The following EARS2 variants were observed in gnomAD, a reference collection of about 807,000 sequenced individuals.
EARS2 encodes the protein glutamyl-tRNA synthetase 2, mitochondrial, also known as nondiscriminating glutamyl-tRNA synthetase EARS2, mitochondrial.
In EARS2, 50 loss-of-function variants were observed where a neutral mutation model predicts 54.1. The observed-to-expected ratio is 0.92, with a 90% CI of 0.74 to 1.17. The LOEUF (loss-of-function observed/expected upper bound fraction) is 1.17, where lower values mean the gene tolerates loss of function less well. Among genes scored for constraint, EARS2 ranks in the 50% most tolerant of loss-of-function variants. The pLI, the probability that EARS2 is intolerant of heterozygous loss-of-function variation, is 0.00. For synonymous variants in EARS2, 298 were observed against 281.0 expected (o/e 1.06, Z -0.61); for missense variants, 673 against 675.0 (o/e 1.00, Z 0.03).
chr16:23,553,941 T>C lies in EARS2; in HGVS notation c.140-1637A>G, dbSNP rs550277967. On this transcript the variant is annotated intron_variant, in intron 1 of 8. Coordinates refer to ENST00000449606, the MANE Select transcript of EARS2 (RefSeq NM_001083614.2). ...CATTTTGCATATGCAGTCTATGCAG[T>C]GTGCATGACTGTCCACGTCGTACAT... 2.6e-5 allele frequency among the ~76,000 whole-genome samples: 4 copies of C among 152,242 alleles called. No homozygotes were observed. The South Asian group carries it at 6.2e-4, about 24-fold the overall frequency.
intron 2 of EARS2, among the ~76,000 whole-genome samples, chr16:23,546,689 G>A (rs1371937620): frequency 6.6e-6 from 1 of 152,218 alleles, no homozygotes; most frequent in African/African-American, 2.4e-5. Context: ...CCAAGTAGCT[G>A]AGACTACAGG....
upstream of EARS2, chr16:23,557,364 TG>T (rs1180772045): frequency 1.3e-6 from 2 of 1,538,048 alleles, no homozygotes; most frequent in Middle Eastern, 1.7e-4. Context: ...ATAGCACACG[TG>T]GGCTTCTCCC....
At chr16:23,546,502 T>C in intron 2 of EARS2, 2 of 454,026 alleles carry the variant, frequency 4.4e-6, no homozygotes, top group Admixed American at 2.4e-5. Context: ...TAAGATGATC[T>C]AAGTAAAGTA....
intron 7 of EARS2, among the ~76,000 whole-genome samples, chr16:23,527,550 CTTTT>C (rs33925429): frequency 1.2e-5 from 1 of 84,478 alleles, no homozygotes. Context: ...AGTGATCGTT[CTTTT>C]TTTTTTTTTT....
intron 1 of EARS2, 44 bp downstream of exon 1, chr16:23,557,161 G>A: frequency 6.7e-7 from 1 of 1,503,114 alleles, no homozygotes; most frequent in Middle Eastern, 1.8e-4. Flanking sequence ...GGCGGAGACG[G>A]GACAGGGGGC....
At chr16:23,544,106 A>G (rs1257023249) in intron 3 of EARS2, among the ~76,000 whole-genome samples, 2 of 152,220 alleles carry the variant, frequency 1.3e-5, no homozygotes, top group Non-Finnish European at 2.9e-5. Context: ...TGCTTCCACA[A>G]CTAGGTAGAC....
In EARS2 at chr16:23,523,038, G is replaced by A. The variant is rs1051180260; in HGVS notation, c.*1333C>T. 2 of 152,242 alleles carry A rather than the reference G, an allele frequency of 1.3e-5. No homozygotes were observed. The highest frequency in any genetic ancestry group is 1.9e-4 in the East Asian group (1 of 5,200). The allele number at this position is 152,242 out of a possible 1,614,324, so 9.4% of individuals were successfully genotyped here. A position where few individuals can be genotyped will look rare whatever the true frequency, so the allele number is the denominator to read the frequency against. ...AAGAAAACAAGACAGAAGCCACGAT[G>A]TATTTTATGACTTACCCTCAGAAGT... On this transcript the variant is annotated 3_prime_UTR_variant, in exon 9 of 9. Transcript: ENST00000449606.
In EARS2 at chr16:23,522,969, A is replaced by G. The variant is rs1412961557; in HGVS notation, c.*1402T>C. ...GAGCACTCCATAAGGCTGCTTGAGT[A>G]TTTTCATGACCTGGAAGCTGGCTTC... On this transcript the variant is annotated 3_prime_UTR_variant, in exon 9 of 9. Transcript: ENST00000449606. The G allele has an allele frequency of 1.3e-5, 2 of 152,198 alleles. No homozygotes were observed. The highest frequency in any genetic ancestry group is 4.8e-5 in the African/African-American group (2 of 41,440). 9.4% of individuals were successfully genotyped at this position (152,198 alleles called of 1,614,324 possible).
At chr16:23,531,807 C>T (rs1018820996) in intron 5 of EARS2, among the ~76,000 whole-genome samples, 11 of 152,216 alleles carry the variant, frequency 7.2e-5, no homozygotes, top group African/African-American at 2.2e-4. Flanking sequence ...GGCTGATGGT[C>T]TTGCAAACCA....
At chr16:23,552,466 C>T (rs1965712909) in intron 1 of EARS2, among the ~76,000 whole-genome samples, 162 bp from the exon 2 acceptor site, 2 of 152,122 alleles carry the variant, frequency 1.3e-5, no homozygotes, top group East Asian at 1.9e-4. Context: ...AGGCCAAGGC[C>T]GGGGGGATCA....
Position 23,552,155 on chromosome 16 carries a change from A to G in EARS2, c.289T>C (p.Trp97Arg), listed in dbSNP as rs763792247. 6.2e-7 allele frequency: 1 copy of G among 1,613,376 alleles called. No individual in the cohort carries two copies. ...AAENIEDMLE[W>R]AGIPPDESPR... ...CTTTCTCTGCCAGGCTTACCTGCCC[A>G]CTCCAGCATGTCCTCAATATTCTCC... The change falls in exon 2 of 9, where the codon TGG (tryptophan) becomes CGG (arginine). Residue 97 changes from tryptophan (W) to arginine (R), a missense_variant. This residue lies in a region of EARS2 where 316 missense variants were observed against 275.2 expected (regional missense o/e 1.15). Transcript: ENST00000449606.
intron 1 of EARS2, among the ~76,000 whole-genome samples, chr16:23,553,896 C>CA (rs546658609): frequency 0.11 from 11,942 of 110,014 alleles, 862 homozygotes; most frequent in African/African-American, 0.24. Flanking sequence ...ACTCCATCTC[C>CA]AAAAAAAAAA....
intron 2 of EARS2, among the ~76,000 whole-genome samples, chr16:23,545,748 C>G (rs543702027): frequency 6.6e-6 from 1 of 152,178 alleles, no homozygotes; most frequent in African/African-American, 2.4e-5. Flanking sequence ...ACTGCAGCCT[C>G]GAACTTCCGG....
rs1356926091 is a variant in EARS2, at chr16:23,521,670, G to A, written c.*2701C>T. 6 of 452,642 alleles carry A rather than the reference G, an allele frequency of 1.3e-5. No homozygotes were observed. The highest frequency in any genetic ancestry group is 9.5e-5 in the Admixed American group (4 of 41,970). The allele number at this position is 452,642 out of a possible 1,614,324, so 28.0% of individuals were successfully genotyped here. A position where few individuals can be genotyped will look rare whatever the true frequency, so the allele number is the denominator to read the frequency against. On this transcript the variant is annotated 3_prime_UTR_variant, in exon 9 of 9. Transcript: ENST00000449606. ...CCACCTTTGCCTCACAAAGCATTAGGACGTATTTGTCCTTTTGTGACTGAC... is the reference window on the plus strand; with the variant it reads ...CCACCTTTGCCTCACAAAGCATTAGAACGTATTTGTCCTTTTGTGACTGAC...
chr16:23,552,055 T>C, intron 2 of EARS2, 94 bp downstream of exon 2: 1 of 1,487,986 alleles, frequency 6.7e-7, no homozygotes, highest in South Asian at 1.3e-5. Context: ...GAACTCCCCA[T>C]TTTCCACTCA....
intron 7 of EARS2, among the ~76,000 whole-genome samples, chr16:23,527,913 C>A (rs1965257981): frequency 6.6e-6 from 1 of 152,170 alleles, no homozygotes; most frequent in South Asian, 2.1e-4. Context: ...CCCCTAAATT[C>A]ATATGTTGAA....
chr16:23,542,945 T>C (rs1597019678), intron 3 of EARS2, among the ~76,000 whole-genome samples: 1 of 117,352 alleles, frequency 8.5e-6, no homozygotes. Flanking sequence ...CGAAACCCTC[T>C]CTCTATTAAA....
At chr16:23,528,279 C>G (rs181698598) in intron 7 of EARS2, among the ~76,000 whole-genome samples, 1 of 152,282 alleles carries the variant, frequency 6.6e-6, no homozygotes, top group African/African-American at 2.4e-5. Context: ...TTACAAAAAT[C>G]AGGAGATGAA....
chr16:23,532,877 A>G, intron 4 of EARS2, 112 bp from the exon 5 acceptor site: 2 of 691,878 alleles, frequency 2.9e-6, no homozygotes, highest in East Asian at 2.8e-5. Flanking sequence ...TTGGAGTGCA[A>G]TGGTACAATC....
Sources: gnomAD v4.1 joint callset for allele counts (sites outside exome capture counted in the v4.1 genomes callset) on GRCh38, gnomAD v4.1.1 for gene constraint, gnomAD v4.1.1 regional missense constraint, MANE v1.5 for transcripts, NCBI Gene and HGNC (gene_info 2026-07-23, HGNC 2026-07-21) for gene names.